SLC9A9: variants seen among roughly 807,000 people sequenced by gnomAD.
The protein encoded by SLC9A9 is sodium/hydrogen exchanger 9.
In SLC9A9, 62 loss-of-function variants were observed where a neutral mutation model predicts 77.8. The observed-to-expected ratio is 0.80, with a 90% CI of 0.65 to 0.98. SLC9A9 has a LOEUF of 0.98. Among genes scored for constraint, SLC9A9 ranks in the 50% least tolerant of loss-of-function variants. SLC9A9 has a pLI of 0.00. For missense variants in SLC9A9, 775 were observed against 774.9 expected (o/e 1.00, Z 0.00); for synonymous variants, 320 against 283.5 (o/e 1.13, Z -1.29).
At chr3:143,515,282 C>A (rs913559680) in intron 9 of SLC9A9, among the ~76,000 whole-genome samples, 2 of 152,030 alleles carry the variant, frequency 1.3e-5, no homozygotes, top group African/African-American at 2.4e-5. Context: ...CATCATAACA[C>A]ATATAATGAA....
At chr3:143,704,453 G>A (rs543817879) in intron 4 of SLC9A9, among the ~76,000 whole-genome samples, 1 of 152,042 alleles carries the variant, frequency 6.6e-6, no homozygotes, top group South Asian at 2.1e-4. Context: ...CATATGAACA[G>A]AATAAAGAAC....
chr3:143,655,422 G>A (rs2038872018), intron 5 of SLC9A9: 1 of 962,588 alleles, frequency 1.0e-6, no homozygotes, highest in Non-Finnish European at 1.2e-6. Flanking sequence ...GATAGGAAGG[G>A]GAAAAGATGC....
chr3:143,653,424 T>C (rs1242064), intron 5 of SLC9A9, among the ~76,000 whole-genome samples: 84,179 of 152,002 alleles, frequency 0.55, 23,426 homozygotes, highest in Non-Finnish European at 0.58. Flanking sequence ...AGGTTGAAAA[T>C]GATATTGATG....
At chr3:143,491,878 G>C (rs190971512) in intron 11 of SLC9A9, among the ~76,000 whole-genome samples, 2 of 152,162 alleles carry the variant, frequency 1.3e-5, no homozygotes, top group African/African-American at 4.8e-5. Flanking sequence ...TCCCAGAAAC[G>C]TTTTGAAAAA....
At chr3:143,826,870 A>C (rs574409749) in intron 2 of SLC9A9, among the ~76,000 whole-genome samples, 1 of 152,084 alleles carries the variant, frequency 6.6e-6, no homozygotes, top group Admixed American at 6.6e-5. Flanking sequence ...ATAAGAGACC[A>C]TACTGTCCTG....
intron 12 of SLC9A9, among the ~76,000 whole-genome samples, chr3:143,392,114 C>T (rs1237491829): frequency 2.0e-5 from 3 of 152,136 alleles, no homozygotes; most frequent in Non-Finnish European, 4.4e-5. Flanking sequence ...CACAAACATA[C>T]TCCTTGAGAA....
chr3:143,285,280 G>A (rs1938352099), intron 14 of SLC9A9, among the ~76,000 whole-genome samples: 1 of 152,100 alleles, frequency 6.6e-6, no homozygotes, highest in Admixed American at 6.5e-5. Flanking sequence ...TCCCTGCCCT[G>A]TGTCCATGTG....
At chr3:143,757,019 C>T (rs1440375745) in intron 4 of SLC9A9, among the ~76,000 whole-genome samples, 1 of 152,000 alleles carries the variant, frequency 6.6e-6, no homozygotes, top group Non-Finnish European at 1.5e-5. Context: ...TCTACAGGGG[C>T]TTAGATAAAT....
intron 12 of SLC9A9, among the ~76,000 whole-genome samples, chr3:143,391,495 TG>T (rs2033565033): frequency 6.6e-6 from 1 of 152,034 alleles, no homozygotes; most frequent in Admixed American, 6.6e-5. Flanking sequence ...ACCACAAAGA[TG>T]GGGAAAAAAC....
chr3:143,282,385 T>C (rs1938247928), intron 14 of SLC9A9, among the ~76,000 whole-genome samples: 1 of 152,240 alleles, frequency 6.6e-6, no homozygotes, highest in Admixed American at 6.5e-5. Context: ...CATGTTTTGT[T>C]CCTATTACCA....
chr3:143,656,658 GACA>G (rs958068129), intron 5 of SLC9A9, among the ~76,000 whole-genome samples: 27 of 152,138 alleles, frequency 1.8e-4, no homozygotes, highest in Admixed American at 1.8e-3. Flanking sequence ...TAGGTCGAAG[GACA>G]ACAACATACA....
At chr3:143,748,692 C>G (rs1935258659) in intron 4 of SLC9A9, among the ~76,000 whole-genome samples, 1 of 106,010 alleles carries the variant, frequency 9.4e-6, no homozygotes, top group South Asian at 3.6e-4. Flanking sequence ...TTTGACCAAG[C>G]TTTTTTTTTT....
rs749256767 is a variant in SLC9A9 at position 143,832,150 on chromosome 3, A to C, written c.247T>G (p.Cys83Gly). The change falls in exon 2 of 16, where the codon TGT becomes GGT. Residue 83 changes from cysteine (C) to glycine (G), a missense_variant. By Grantham distance (159) the Cys-to-Gly change is radical. Coordinates refer to ENST00000316549, the MANE Select transcript of SLC9A9 (RefSeq NM_173653.4). ...TDIESGTVYD[C>G]VKLTFSPSTL... ...GATGGACTGAAAGTTAGTTTTACAC[A>C]GTCATAGACAGTTCCACTTTCAATA... The C allele has an allele frequency of 6.2e-7, 1 of 1,613,238 alleles. No individual in the cohort carries two copies. The highest frequency in any genetic ancestry group is 8.5e-7 in the Non-Finnish European group (1 of 1,179,574).
chr3:143,479,975 C>A (rs1230403492), intron 11 of SLC9A9, among the ~76,000 whole-genome samples: 1 of 152,184 alleles, frequency 6.6e-6, no homozygotes, highest in Non-Finnish European at 1.5e-5. Flanking sequence ...AGGTGGTAGT[C>A]CCTGTGCCAG....
intron 4 of SLC9A9, among the ~76,000 whole-genome samples, chr3:143,793,072 G>A (rs545057915): frequency 2.3e-4 from 35 of 152,186 alleles, no homozygotes; most frequent in South Asian, 1.4e-3. Flanking sequence ...TAAGAACACC[G>A]TTCTAAAATT....
At chr3:143,666,906 C>T (rs756560449) in intron 5 of SLC9A9, among the ~76,000 whole-genome samples, 1 of 152,144 alleles carries the variant, frequency 6.6e-6, no homozygotes, top group African/African-American at 2.4e-5. Context: ...GCCATACTGC[C>T]CAAGGTAATT....
At chr3:143,533,099 T>C (rs556101306) in intron 9 of SLC9A9, among the ~76,000 whole-genome samples, 24 of 152,326 alleles carry the variant, frequency 1.6e-4, no homozygotes, top group African/African-American at 5.3e-4. Context: ...ACAGAGAACA[T>C]TGCAACTCAT....
chr3:143,651,075 C>G (rs916190807), intron 6 of SLC9A9, among the ~76,000 whole-genome samples: 2 of 152,272 alleles, frequency 1.3e-5, no homozygotes, highest in Admixed American at 6.5e-5. Context: ...AGGAACTCAG[C>G]AGATTTTTAA....
At chr3:143,310,597 C>A (rs1243531898) in intron 14 of SLC9A9, among the ~76,000 whole-genome samples, 1 of 151,370 alleles carries the variant, frequency 6.6e-6, no homozygotes, top group Non-Finnish European at 1.5e-5. Context: ...AGACTTTCTG[C>A]TTCCTGCCCA....
Sources: gnomAD v4.1 joint callset for allele counts (sites outside exome capture counted in the v4.1 genomes callset) on GRCh38, gnomAD v4.1.1 for gene constraint, MANE v1.5 for transcripts, NCBI Gene and HGNC (gene_info 2026-07-23, HGNC 2026-07-21) for gene names.